The following PTGER3 variants were observed in gnomAD, a reference collection of about 807,000 sequenced individuals.
The protein encoded by PTGER3 is prostaglandin E2 receptor EP3 subtype.
In PTGER3, 22 loss-of-function variants were observed where a neutral mutation model predicts 34.7. That is an observed-to-expected ratio of 0.63 (90% CI 0.45 to 0.91). The LOEUF is 0.91. PTGER3 is among the 40% of genes least tolerant of loss of function. The pLI is 0.00. For missense variants in PTGER3, 468 were observed against 519.4 expected, an observed-to-expected ratio of 0.90 and a Z score of 0.96; for synonymous variants, 241 against 230.1, an observed-to-expected ratio of 1.05 and a Z score of -0.43.
At chr1:70,965,143 G>C (rs958011476) in intron 2 of PTGER3, among the ~76,000 whole-genome samples, 4 of 152,158 alleles carry the variant, frequency 2.6e-5, no homozygotes, top group Non-Finnish European at 5.9e-5. Flanking sequence ...AGGCATTGCT[G>C]TAAATCCAGG....
chr1:70,975,044 T>C (rs1653546433), intron 2 of PTGER3, among the ~76,000 whole-genome samples: 1 of 152,172 alleles, frequency 6.6e-6, no homozygotes, highest in African/African-American at 2.4e-5. Context: ...CTAGGACTGG[T>C]GCCTCACTAT....
chr1:70,882,673 G>T (rs1403688068), intron 4 of PTGER3, among the ~76,000 whole-genome samples: 11 of 152,192 alleles, frequency 7.2e-5, no homozygotes, highest in Admixed American at 5.2e-4. Context: ...ACAGATGGGA[G>T]CGTGGGGGGC....
intron 1 of PTGER3, among the ~76,000 whole-genome samples, chr1:71,024,645 C>CTTTTTTTTTT (rs35271200): frequency 1.0e-3 from 119 of 117,066 alleles, no homozygotes; most frequent in African/African-American, 1.8e-3. Context: ...CCTTTTCTTT[C>CTTTTTTTTTT]TTTTTTTTTT....
intron 2 of PTGER3, among the ~76,000 whole-genome samples, chr1:70,977,491 C>T (rs2100705566): frequency 6.6e-6 from 1 of 152,176 alleles, no homozygotes; most frequent in African/African-American, 2.4e-5. Flanking sequence ...AATTTATCCC[C>T]ATCCACTGCT....
chr1:70,856,435 C>T (rs1004084580), intron 4 of PTGER3, among the ~76,000 whole-genome samples: 3 of 95,476 alleles, frequency 3.1e-5, no homozygotes, highest in African/African-American at 1.1e-4. Flanking sequence ...AGTGAAACTT[C>T]ATCTCAAAAA....
rs970239065 is a variant in PTGER3 at position 71,039,704 on chromosome 1, T to G, written c.897+6977A>C. On this transcript the variant is annotated intron_variant, in intron 1 of 3. Coordinates refer to ENST00000306666, the MANE Select transcript of PTGER3 (RefSeq NM_198719.2). ...GAAAGAAAAATTAGGCACAGTTGGT[T>G]TACCATTTTTCTTTCTGTTTCTGAA... Among the ~76,000 whole-genome samples the G allele has an allele frequency of 4.7e-4, 72 of 151,796 alleles. 2 individuals carry two copies. Among genetic ancestry groups the G allele is most frequent in the Non-Finnish European group, 7.4e-5 (5 of 67,880 alleles).
chr1:70,871,500 A>ACT (rs1646162277), intron 4 of PTGER3, among the ~76,000 whole-genome samples: 1 of 152,174 alleles, frequency 6.6e-6, no homozygotes, highest in Non-Finnish European at 1.5e-5. Context: ...GACAGCAGAG[A>ACT]CTATGTCCAT....
At chr1:70,996,714 A>G (rs1256820546) in intron 2 of PTGER3, among the ~76,000 whole-genome samples, 1 of 140,638 alleles carries the variant, frequency 7.1e-6, no homozygotes, top group East Asian at 2.1e-4. Context: ...CGCAGGCTGG[A>G]GTGCAGTGGC....
At chr1:70,911,396 C>A (rs1328862928) in intron 4 of PTGER3, among the ~76,000 whole-genome samples, 1 of 152,170 alleles carries the variant, frequency 6.6e-6, no homozygotes, top group East Asian at 1.9e-4. Flanking sequence ...AATATTCTTA[C>A]GGGAACAACA....
rs1479811166 is a variant in PTGER3 at position 70,981,309 on chromosome 1, TTCCTTCCTTTC to T, written c.1078-6932_1078-6922del. ...CTCTCTCTCTTCCTTCCTTCCTTCC[TTCCTTCCTTTC>T]TTCTTTCTTTCTTTCTTTCTTTCTT... is the stretch of plus-strand genomic sequence containing the variant. On this transcript the variant is annotated intron_variant, in intron 2 of 3. Coordinates refer to ENST00000306666, the MANE Select transcript of PTGER3 (RefSeq NM_198719.2). Among the ~76,000 whole-genome samples the T allele has an allele frequency of 5.5e-4, 55 of 100,902 alleles. 1 individual carries two copies. The highest frequency in any genetic ancestry group is 1.9e-3 in the African/African-American group (52 of 26,816). 66.2% of individuals were successfully genotyped at this position (100,902 alleles called of 152,430 possible). A position where few individuals can be genotyped will look rare whatever the true frequency, so the allele number is the denominator to read the frequency against.
chr1:70,879,081 T>C (rs959687886), intron 4 of PTGER3, among the ~76,000 whole-genome samples: 1 of 152,192 alleles, frequency 6.6e-6, no homozygotes, highest in Non-Finnish European at 1.5e-5. Flanking sequence ...TAAAATCTCC[T>C]AGTATTGTTG....
At chr1:70,993,016 T>A (rs573536190) in intron 2 of PTGER3, among the ~76,000 whole-genome samples, 1 of 152,276 alleles carries the variant, frequency 6.6e-6, no homozygotes, top group East Asian at 1.9e-4. Context: ...TTGTTTTTCT[T>A]CTTCAATAAA....
At chr1:70,971,915 A>G (rs1388182593) in intron 3 of PTGER3, among the ~76,000 whole-genome samples, 182 bp from the exon 4 acceptor site, 1 of 152,222 alleles carries the variant, frequency 6.6e-6, no homozygotes. Context: ...TAGGCACAAT[A>G]AATGGTCAAA....
intron 1 of PTGER3, among the ~76,000 whole-genome samples, chr1:71,043,420 T>C (rs780363222): frequency 6.6e-6 from 1 of 152,230 alleles, no homozygotes. Context: ...TAAGTATTTA[T>C]GTAGTGTGAA....
intron 2 of PTGER3, chr1:71,008,366 G>A (rs998477048): frequency 3.5e-6 from 3 of 857,324 alleles, no homozygotes; most frequent in Non-Finnish European, 1.4e-6. Context: ...TCTGCTTATG[G>A]TATCATAATG....
At chr1:70,927,882 T>C (rs2100479583) in intron 4 of PTGER3, among the ~76,000 whole-genome samples, 1 of 152,190 alleles carries the variant, frequency 6.6e-6, no homozygotes, top group East Asian at 1.9e-4. Context: ...CCCAAACCTC[T>C]AAACCAAGTG....
chr1:70,901,489 T>C (rs975776750), intron 4 of PTGER3, among the ~76,000 whole-genome samples: 4 of 152,208 alleles, frequency 2.6e-5, no homozygotes, highest in Admixed American at 1.3e-4. Context: ...CCATTGTCAA[T>C]TGATGTTGTG....
chr1:70,939,715 C>T (rs935537960), intron 4 of PTGER3, among the ~76,000 whole-genome samples: 1 of 152,230 alleles, frequency 6.6e-6, no homozygotes, highest in Non-Finnish European at 1.5e-5. Context: ...CCCTTTTATC[C>T]ATAGCTGGAG....
intron 2 of PTGER3, among the ~76,000 whole-genome samples, chr1:70,963,014 A>C (rs1162010759): frequency 6.6e-6 from 1 of 152,204 alleles, no homozygotes; most frequent in Non-Finnish European, 1.5e-5. Flanking sequence ...AAATACAGCT[A>C]TTCCACATGG....
Sources: allele counts gnomAD v4.1 joint callset (sites outside exome capture counted in the v4.1 genomes callset), GRCh38; gene constraint gnomAD v4.1.1; transcripts MANE v1.5; gene names NCBI Gene and HGNC (gene_info 2026-07-23, HGNC 2026-07-21).